Variants in HACE1 observed in about 807,000 individuals in gnomAD.
The protein encoded by HACE1 is HECT domain and ankyrin repeat containing E3 ubiquitin protein ligase 1.
HACE1 carries 73 observed loss-of-function variants against 118.4 expected under a neutral mutation model. The observed-to-expected ratio is 0.62, with a 90% CI of 0.51 to 0.75. The LOEUF is 0.75. HACE1 is among the 30% of genes least tolerant of loss of function. The pLI, the probability that HACE1 is intolerant of heterozygous loss-of-function variation, is 0.00. For synonymous variants in HACE1, 368 were observed against 374.8 expected (o/e 0.98, Z 0.21); for missense variants, 749 against 1,102.2 (o/e 0.68, Z 4.54).
At chr6:104,851,741 A>T (rs63028460) in intron 2 of HACE1, among the ~76,000 whole-genome samples, 5,517 of 132,218 alleles carry the variant, frequency 0.042, 324 homozygotes, top group African/African-American at 0.13. Context: ...AAAAAAAAAA[A>T]TTTTTTTAAC....
Position 104,811,338 on chromosome 6 carries a change from C to A in HACE1, c.590G>T (p.Gly197Val). ...GADINRPNVS[G>V]ATPLYFACSH... ...GCAAGCAAAGTACAATGGAGTTGCTCCTGATACATTTGGCCTGTTAATATC... is the reference window on the plus strand; with the variant it reads ...GCAAGCAAAGTACAATGGAGTTGCTACTGATACATTTGGCCTGTTAATATC... The change falls in exon 7 of 24, where the codon GGA becomes GTA. Residue 197 changes from glycine (G) to valine (V), a missense_variant. Gly to Val is a moderately radical substitution (Grantham distance 109). This residue lies in a region of HACE1 where 267 missense variants were observed against 312.2 expected (regional missense o/e 0.86). Transcript: ENST00000262903. The A allele has an allele frequency of 6.5e-7, 1 of 1,528,558 alleles. No homozygotes were observed. The highest frequency in any genetic ancestry group is 2.3e-5 in the East Asian group (1 of 43,928). 94.7% of individuals were successfully genotyped at this position (1,528,558 alleles called of 1,614,324 possible). A position where few individuals can be genotyped will look rare whatever the true frequency, so the allele number is the denominator to read the frequency against.
chr6:104,829,576 T>C (rs1202146825), intron 6 of HACE1, among the ~76,000 whole-genome samples: 6 of 152,116 alleles, frequency 3.9e-5, no homozygotes, highest in Admixed American at 6.5e-5. Flanking sequence ...CCCTTTATGT[T>C]TATATGATCA....
intron 4 of HACE1, among the ~76,000 whole-genome samples, chr6:104,845,546 C>T (rs561664688): frequency 1.6e-4 from 24 of 145,700 alleles, no homozygotes; most frequent in African/African-American, 4.3e-4. Flanking sequence ...GGCACGATCT[C>T]GGCTCACTGC....
intron 6 of HACE1, among the ~76,000 whole-genome samples, chr6:104,819,754 C>T (rs1456476758): frequency 6.6e-6 from 1 of 152,186 alleles, no homozygotes; most frequent in African/African-American, 2.4e-5. Context: ...ACTATCTGAT[C>T]TTCCACAAAC....
chr6:104,797,806 CA>C (rs968477186), intron 7 of HACE1, among the ~76,000 whole-genome samples: 1 of 152,056 alleles, frequency 6.6e-6, no homozygotes, highest in Non-Finnish European at 1.5e-5. Flanking sequence ...TGGTGGCTCA[CA>C]CCTGTAATCC....
intron 7 of HACE1, among the ~76,000 whole-genome samples, chr6:104,809,741 G>A (rs1211041266): frequency 6.6e-6 from 1 of 150,380 alleles, no homozygotes; most frequent in Non-Finnish European, 1.5e-5. Flanking sequence ...GACCAGTGAA[G>A]AGATTACTGC....
chr6:104,737,234 G>A (rs539118074), intron 22 of HACE1, among the ~76,000 whole-genome samples: 1 of 131,344 alleles, frequency 7.6e-6, no homozygotes, highest in Non-Finnish European at 1.5e-5. Context: ...GGAGGTTGCA[G>A]ATCGAGCCAC....
rs1335839628 is a variant in HACE1 at position 104,750,372 on chromosome 6, G to A, written c.2312C>T (p.Ser771Phe). ...LQGFHMFIPP[S>F]LIQLFDEYEL... ...ATATTCATCAAAAAGCTGTATGAGG[G>A]AGGGTGGAATGAACATATGAAAGCC... The change falls in exon 20 of 24, where the codon TCC (serine) becomes TTC (phenylalanine). Residue 771 changes from serine to phenylalanine, a missense_variant. Ser to Phe is a radical substitution (Grantham distance 155). Transcript: ENST00000262903. 6.2e-7 allele frequency: 1 copy of A among 1,612,832 alleles called. No homozygotes were observed. The highest frequency in any genetic ancestry group is 1.7e-5 in the Admixed American group (1 of 59,940).
chr6:104,812,455 AC>A (rs1372223440), intron 6 of HACE1, among the ~76,000 whole-genome samples: 19 of 152,290 alleles, frequency 1.2e-4, no homozygotes, highest in African/African-American at 4.1e-4. Context: ...TTAAAAAAAA[AC>A]AAAATAGTTT....
rs978821754 is a variant in HACE1 at position 104,859,523 on chromosome 6, C to T, written c.76+44G>A. The T allele has an allele frequency of 5.4e-5, 76 of 1,413,982 alleles. 1 individual carries two copies. In the African/African-American group the frequency reaches 8.4e-4, roughly 16 times the overall value. 87.6% of individuals were successfully genotyped at this position (1,413,982 alleles called of 1,614,324 possible). A position where few individuals can be genotyped will look rare whatever the true frequency, so the allele number is the denominator to read the frequency against. On this transcript the variant is annotated intron_variant, in intron 1 of 23. Transcript: ENST00000262903. ...CGGCCGGAGCTCCTGCCCCACTGGC[C>T]GCCCCCAGCCCCGCGGCCAGCCTGG... is the stretch of plus-strand genomic sequence containing the variant.
intron 4 of HACE1, among the ~76,000 whole-genome samples, chr6:104,844,498 C>T (rs1775448194): frequency 6.6e-6 from 1 of 151,612 alleles, no homozygotes; most frequent in African/African-American, 2.4e-5. Context: ...CATGCACCAC[C>T]ACGCCAGGCT....
At chr6:104,852,199 C>CGTG in intron 2 of HACE1, 118 bp downstream of exon 2, 4 of 642,220 alleles carry the variant, frequency 6.2e-6, no homozygotes, top group Non-Finnish European at 1.2e-5. Context: ...TCCAAACTGT[C>CGTG]TGTGTGTGTG....
intron 22 of HACE1, among the ~76,000 whole-genome samples, chr6:104,736,844 A>T (rs1036985048): frequency 2.6e-5 from 4 of 151,934 alleles, no homozygotes; most frequent in African/African-American, 4.8e-5. Context: ...TAAAAAGACT[A>T]AAAAAAATAA....
intron 19 of HACE1, among the ~76,000 whole-genome samples, chr6:104,755,902 C>T (rs1778565904): frequency 6.6e-6 from 1 of 152,106 alleles, no homozygotes; most frequent in South Asian, 2.1e-4. Flanking sequence ...AACTCCAATG[C>T]TGGCAGAAGA....
chr6:104,729,254 A>T lies in HACE1; in HGVS notation c.*408T>A, dbSNP rs1774951996. The T allele has an allele frequency of 5.4e-6, 1 of 185,838 alleles. No homozygotes were observed. Among genetic ancestry groups the T allele is most frequent in the Non-Finnish European group, 1.1e-5 (1 of 88,416 alleles). The allele number at this position is 185,838 out of a possible 1,614,324, so 11.5% of individuals were successfully genotyped here. On this transcript the variant is annotated 3_prime_UTR_variant, in exon 24 of 24. Transcript: ENST00000262903. ...TTCTAAAATATAAATGGCAGTTTAC[A>T]TGCAAAAGAACACACCAGCTGGATG...
At chr6:104,793,801 C>T (rs916032810) in intron 10 of HACE1, among the ~76,000 whole-genome samples, 1 of 152,132 alleles carries the variant, frequency 6.6e-6, no homozygotes, top group Non-Finnish European at 1.5e-5. Flanking sequence ...TACCTTTTTA[C>T]AGTACAATAA....
chr6:104,858,967 A>C (rs1777022230), intron 1 of HACE1, among the ~76,000 whole-genome samples: 1 of 152,156 alleles, frequency 6.6e-6, no homozygotes, highest in African/African-American at 2.4e-5. Flanking sequence ...AGCCCACTCA[A>C]TACTAGTCTG....
At chr6:104,732,744 T>C (rs1775353242) in intron 22 of HACE1, among the ~76,000 whole-genome samples, 1 of 152,156 alleles carries the variant, frequency 6.6e-6, no homozygotes, top group East Asian at 1.9e-4. Flanking sequence ...TGCACCAGGA[T>C]TGTCTATTTG....
At chr6:104,833,008 A>C in intron 6 of HACE1, 34 bp downstream of exon 6, 2 of 1,593,106 alleles carry the variant, frequency 1.3e-6, no homozygotes, top group Non-Finnish European at 1.7e-6. Context: ...AAAAACAAAC[A>C]CATGCAGCTT....
Sources: allele counts gnomAD v4.1 joint callset (sites outside exome capture counted in the v4.1 genomes callset), GRCh38; gene constraint gnomAD v4.1.1; regional missense constraint gnomAD v4.1.1; transcripts MANE v1.5; gene names NCBI Gene and HGNC (gene_info 2026-07-23, HGNC 2026-07-21).